The following EPM2A variants were observed in gnomAD, a reference collection of about 807,000 sequenced individuals.
EPM2A encodes the protein EPM2A glucan phosphatase, laforin, also known as laforin.
EPM2A carries 21 observed loss-of-function variants against 26.5 expected under a neutral mutation model. The ratio of observed to expected loss-of-function variants is 0.79; its 90% CI spans 0.56 to 1.14. EPM2A has a LOEUF of 1.14. Among genes scored for constraint, EPM2A ranks in the 50% most tolerant of loss-of-function variants. The pLI, the probability that EPM2A is intolerant of heterozygous loss-of-function variation, is 0.00. For synonymous variants in EPM2A, 217 were observed against 177.6 expected, an observed-to-expected ratio of 1.22 and a Z score of -1.76; for missense variants, 458 against 440.8, an observed-to-expected ratio of 1.04 and a Z score of -0.35.
chr6:145,424,028 G>A (rs1476602738), intron 4 of EPM2A, among the ~76,000 whole-genome samples: 1 of 152,174 alleles, frequency 6.6e-6, no homozygotes, highest in Non-Finnish European at 1.5e-5. Flanking sequence ...ATGTTCCCCA[G>A]AGTACTGCCT....
chr6:145,426,375 C>T (rs1283486592), intron 4 of EPM2A, among the ~76,000 whole-genome samples: 1 of 152,178 alleles, frequency 6.6e-6, no homozygotes, highest in Non-Finnish European at 1.5e-5. Flanking sequence ...TCTCTCAAAA[C>T]CAGATTCGCA....
chr6:145,526,701 T>A (rs965209834), intron 2 of EPM2A, among the ~76,000 whole-genome samples: 1 of 152,068 alleles, frequency 6.6e-6, no homozygotes. Context: ...TTAATCTAGC[T>A]GGCACTCTGT....
chr6:145,490,631 C>A, intron 4 of EPM2A: 1 of 648,010 alleles, frequency 1.5e-6, no homozygotes, highest in Non-Finnish European at 3.0e-6. Flanking sequence ...AGATACCTTT[C>A]ATTGCATATT....
chr6:145,506,809 G>C (rs1779981683), intron 2 of EPM2A, among the ~76,000 whole-genome samples: 1 of 152,190 alleles, frequency 6.6e-6, no homozygotes. Context: ...AGGCCACACT[G>C]ACCAGCCTAT....
At chr6:145,452,734 T>G (rs1450839022) in intron 4 of EPM2A, among the ~76,000 whole-genome samples, 1 of 151,738 alleles carries the variant, frequency 6.6e-6, no homozygotes, top group Non-Finnish European at 1.5e-5. Context: ...AAAATAAATG[T>G]ATATTTTCAA....
At chr6:145,388,367 A>G (rs1778291079) in intron 4 of EPM2A, among the ~76,000 whole-genome samples, 1 of 152,124 alleles carries the variant, frequency 6.6e-6, no homozygotes, top group Non-Finnish European at 1.5e-5. Context: ...ATAACCATAT[A>G]CTACAGCCAC....
At chr6:145,717,833 C>G (rs2128636153) in intron 1 of EPM2A, among the ~76,000 whole-genome samples, 1 of 151,500 alleles carries the variant, frequency 6.6e-6, no homozygotes, top group South Asian at 2.1e-4. Flanking sequence ...AACAGACAAA[C>G]AGAGAGACAA....
intron 4 of EPM2A, among the ~76,000 whole-genome samples, chr6:145,390,194 TTCTTTGGGGAGGGCAG>T (rs1778318537): frequency 6.6e-6 from 1 of 152,104 alleles, no homozygotes; most frequent in Non-Finnish European, 1.5e-5. Context: ...AATTCCTTCT[TTCTTTGGGGAGGGCAG>T]TCTTTGTTCT....
At chr6:145,641,881 G>A (rs577254328) in intron 2 of EPM2A, among the ~76,000 whole-genome samples, 1 of 152,220 alleles carries the variant, frequency 6.6e-6, no homozygotes, top group Admixed American at 6.5e-5. Context: ...GTTCTGGGGT[G>A]TCTAGGTTTA....
intron 4 of EPM2A, among the ~76,000 whole-genome samples, chr6:145,401,829 C>A (rs1052707142): frequency 6.6e-6 from 1 of 152,004 alleles, no homozygotes; most frequent in Non-Finnish European, 1.5e-5. Flanking sequence ...GTGGCTAAAT[C>A]TGGGATATTT....
At chr6:145,398,586 G>A (rs535741860) in intron 4 of EPM2A, among the ~76,000 whole-genome samples, 3 of 152,128 alleles carry the variant, frequency 2.0e-5, no homozygotes, top group African/African-American at 7.2e-5. Flanking sequence ...AATAATACCT[G>A]TCATCTCCCA....
At chr6:145,575,990 C>T (rs1361583602) in intron 2 of EPM2A, among the ~76,000 whole-genome samples, 1 of 152,186 alleles carries the variant, frequency 6.6e-6, no homozygotes, top group Non-Finnish European at 1.5e-5. Context: ...CATGTGCCAC[C>T]ACGCCTGGCT....
At chr6:145,607,065 C>T (rs1167528674) in intron 2 of EPM2A, among the ~76,000 whole-genome samples, 1 of 152,146 alleles carries the variant, frequency 6.6e-6, no homozygotes, top group Non-Finnish European at 1.5e-5. Flanking sequence ...CTTGACTTTA[C>T]TTCCATGTTC....
rs540696557 is a variant in EPM2A, at chr6:145,703,292, C to T, written c.302-16996G>A. Among the ~76,000 whole-genome samples, 4 of 152,054 alleles carry T rather than the reference C, an allele frequency of 2.6e-5. No individual in the cohort carries two copies. In the South Asian group the frequency reaches 6.2e-4, roughly 24 times the overall value. ...ATTTTCAGGAGAGACGGGGTTTTGC[C>T]GTGTTAGCCAGGGTGGTCTCGATCT... On this transcript the variant is annotated intron_variant, in intron 1 of 3. Transcript: ENST00000367519.
chr6:145,548,590 T>C (rs1050026429), intron 2 of EPM2A, among the ~76,000 whole-genome samples: 1 of 152,104 alleles, frequency 6.6e-6, no homozygotes, highest in African/African-American at 2.4e-5. Flanking sequence ...AAAGACATCA[T>C]GGGAAGATGG....
chr6:145,583,536 A>G (rs1488909012), intron 2 of EPM2A, among the ~76,000 whole-genome samples: 1 of 152,046 alleles, frequency 6.6e-6, no homozygotes, highest in Non-Finnish European at 1.5e-5. Context: ...GCACTGAAGG[A>G]GCTAAATTGT....
At chr6:145,522,754 C>T (rs1375683457) in intron 2 of EPM2A, among the ~76,000 whole-genome samples, 2 of 152,156 alleles carry the variant, frequency 1.3e-5, no homozygotes, top group East Asian at 3.9e-4. Context: ...TTATCTTGTG[C>T]TTGCACTATT....
At chr6:145,465,102 T>C (rs975063792) in intron 4 of EPM2A, among the ~76,000 whole-genome samples, 1 of 152,094 alleles carries the variant, frequency 6.6e-6, no homozygotes, top group Non-Finnish European at 1.5e-5. Flanking sequence ...CCCGTCACTT[T>C]CAGGTACACC....
chr6:145,589,779 G>A (rs1781244255), intron 2 of EPM2A, among the ~76,000 whole-genome samples: 1 of 151,674 alleles, frequency 6.6e-6, no homozygotes, highest in African/African-American at 2.4e-5. Flanking sequence ...GCCGGAGAGT[G>A]GATAGCAAAG....
Sources: gnomAD v4.1 joint callset for allele counts (sites outside exome capture counted in the v4.1 genomes callset) on GRCh38, gnomAD v4.1.1 for gene constraint, MANE v1.5 for transcripts, NCBI Gene and HGNC (gene_info 2026-07-23, HGNC 2026-07-21) for gene names.